Variants in CMTM8 observed in about 807,000 individuals in gnomAD.
CMTM8 encodes CKLF like MARVEL transmembrane domain containing 8.
In CMTM8, 12 loss-of-function variants were observed where a neutral mutation model predicts 18.6. The ratio of observed to expected loss-of-function variants is 0.65; its 90% CI spans 0.41 to 1.05. The LOEUF is 1.05. Ranked by LOEUF, CMTM8 falls within the 50% of genes least tolerant of loss-of-function variation. The pLI is 0.00. For synonymous variants in CMTM8, 87 were observed against 90.6 expected, an observed-to-expected ratio of 0.96 and a Z score of 0.23; for missense variants, 217 against 227.2, an observed-to-expected ratio of 0.95 and a Z score of 0.29.
intron 1 of CMTM8, among the ~76,000 whole-genome samples, chr3:32,347,068 A>G (rs951193585): frequency 2.0e-5 from 3 of 151,946 alleles, no homozygotes; most frequent in Non-Finnish European, 4.4e-5. Context: ...GGCTCAAGCA[A>G]TCCTCCCGCC....
intron 1 of CMTM8, among the ~76,000 whole-genome samples, chr3:32,270,605 T>C (rs530859647): frequency 2.0e-5 from 3 of 152,182 alleles, no homozygotes; most frequent in Non-Finnish European, 4.4e-5. Context: ...TCATTCTCAG[T>C]AAACTATCGC....
intron 1 of CMTM8, among the ~76,000 whole-genome samples, chr3:32,268,298 C>T (rs1702380055): frequency 6.6e-6 from 1 of 152,178 alleles, no homozygotes; most frequent in South Asian, 2.1e-4. Flanking sequence ...TTTGCAGGGA[C>T]ATGGATGAAG....
intron 1 of CMTM8, among the ~76,000 whole-genome samples, chr3:32,253,075 T>G (rs1405200361): frequency 6.6e-6 from 1 of 152,228 alleles, no homozygotes; most frequent in Admixed American, 6.5e-5. Flanking sequence ...CATTGGCTAA[T>G]GTAGTGAATT....
At chr3:32,361,143 A>G (rs1395890136) in intron 2 of CMTM8, among the ~76,000 whole-genome samples, 1 of 152,090 alleles carries the variant, frequency 6.6e-6, no homozygotes, top group Admixed American at 6.5e-5. Context: ...CACCACGCCC[A>G]GCTAATTTTA....
intron 1 of CMTM8, among the ~76,000 whole-genome samples, chr3:32,325,317 G>A (rs945926098): frequency 1.3e-5 from 2 of 152,170 alleles, no homozygotes; most frequent in African/African-American, 4.8e-5. Context: ...TTACAGGGGG[G>A]AAAGTTCCAA....
At chr3:32,287,174 G>GTA (rs1702701783) in intron 1 of CMTM8, among the ~76,000 whole-genome samples, 1 of 152,110 alleles carries the variant, frequency 6.6e-6, no homozygotes, top group Non-Finnish European at 1.5e-5. Context: ...AACAATTTAA[G>GTA]GTGTCTGGCA....
At chr3:32,257,993 A>T (rs987070599) in intron 1 of CMTM8, among the ~76,000 whole-genome samples, 1 of 152,176 alleles carries the variant, frequency 6.6e-6, no homozygotes, top group African/African-American at 2.4e-5. Context: ...TTATTGAAGC[A>T]TCTGGAAATC....
chr3:32,285,982 G>C (rs550752464), intron 1 of CMTM8, among the ~76,000 whole-genome samples: 3 of 152,362 alleles, frequency 2.0e-5, no homozygotes, highest in African/African-American at 4.8e-5. Context: ...GCGGTCTGCA[G>C]TTAGGTCAAT....
chr3:32,259,578 A>AG, intron 1 of CMTM8: 1 of 909,346 alleles, frequency 1.1e-6, no homozygotes, highest in Middle Eastern at 3.1e-4. Flanking sequence ...CTCTTCATGA[A>AG]GAAGAACCAT....
intron 1 of CMTM8, among the ~76,000 whole-genome samples, chr3:32,276,006 A>G (rs1702511600): frequency 6.6e-6 from 1 of 151,196 alleles, no homozygotes; most frequent in African/African-American, 2.4e-5. Flanking sequence ...CATCTCACCC[A>G]CCTCCTTTAT....
At chr3:32,249,233 A>G (rs1250945646) in intron 1 of CMTM8, among the ~76,000 whole-genome samples, 1 of 151,600 alleles carries the variant, frequency 6.6e-6, no homozygotes, top group Admixed American at 6.6e-5. Flanking sequence ...GTTCAAGACT[A>G]GCCTAGGCAA....
intron 1 of CMTM8, among the ~76,000 whole-genome samples, chr3:32,253,707 A>G (rs1201009147): frequency 6.6e-6 from 1 of 150,780 alleles, no homozygotes; most frequent in Non-Finnish European, 1.5e-5. Context: ...CATTTCTCCA[A>G]TTTCTTTTTC....
intron 1 of CMTM8, among the ~76,000 whole-genome samples, chr3:32,270,491 C>T (rs1004766141): frequency 1.3e-5 from 2 of 152,136 alleles, no homozygotes; most frequent in African/African-American, 4.8e-5. Flanking sequence ...CAATGATAGA[C>T]TGGATTAAGA....
intron 1 of CMTM8, among the ~76,000 whole-genome samples, chr3:32,264,793 T>G (rs1306113958): frequency 2.0e-5 from 3 of 151,826 alleles, no homozygotes; most frequent in East Asian, 1.9e-4. Context: ...AAAAGGCAGG[T>G]GTTGCAATCC....
intron 1 of CMTM8, 137 bp from the exon 2 acceptor site, chr3:32,357,236 C>G: frequency 1.3e-6 from 1 of 779,398 alleles, no homozygotes; most frequent in Non-Finnish European, 2.0e-6. Flanking sequence ...GGGAGCGAGA[C>G]TCCATCTCAA....
intron 2 of CMTM8, among the ~76,000 whole-genome samples, chr3:32,367,512 G>A (rs1015448861): frequency 1.3e-5 from 2 of 152,196 alleles, no homozygotes; most frequent in African/African-American, 4.8e-5. Flanking sequence ...AGGGCCAGGG[G>A]CTGAGGCTGA....
At chr3:32,295,455 C>CAAAAAAAAAAAAAAAAAAAAAA (rs1400148634) in intron 1 of CMTM8, among the ~76,000 whole-genome samples, 1 of 27,550 alleles carries the variant, frequency 3.6e-5, no homozygotes, top group Non-Finnish European at 6.5e-5. Flanking sequence ...GACTCCATCT[C>CAAAAAAAAAAAAAAAAAAAAAA]AAAAAAAAAA....
chr3:32,328,207 C>G (rs1696199375), intron 1 of CMTM8, among the ~76,000 whole-genome samples: 1 of 151,170 alleles, frequency 6.6e-6, no homozygotes, highest in African/African-American at 2.5e-5. Flanking sequence ...AAAACCCCAT[C>G]TCTACTAAAA....
intron 1 of CMTM8, among the ~76,000 whole-genome samples, chr3:32,294,549 T>A (rs1311085864): frequency 6.6e-6 from 1 of 152,176 alleles, no homozygotes; most frequent in East Asian, 1.9e-4. Context: ...TATCTCTGGA[T>A]CCTTGGTCAA....
Sources: allele counts gnomAD v4.1 joint callset (sites outside exome capture counted in the v4.1 genomes callset), GRCh38; gene constraint gnomAD v4.1.1; transcripts MANE v1.5; gene names NCBI Gene and HGNC (gene_info 2026-07-23, HGNC 2026-07-21).